APOOL: variants seen among roughly 807,000 people sequenced by gnomAD.
The protein encoded by APOOL is MICOS complex subunit MIC27.
In APOOL, 12 loss-of-function variants were observed where a neutral mutation model predicts 23.1. The observed-to-expected ratio is 0.52, with a 90% CI of 0.33 to 0.84. The LOEUF (loss-of-function observed/expected upper bound fraction) is 0.84, where lower values mean the gene tolerates loss of function less well. Ranked by LOEUF, APOOL falls within the 40% of genes least tolerant of loss-of-function variation. APOOL has a pLI of 0.02. For missense variants in APOOL, 212 were observed against 199.6 expected, an observed-to-expected ratio of 1.06 and a Z score of -0.37; for synonymous variants, 77 against 69.9, an observed-to-expected ratio of 1.10 and a Z score of -0.51.
intron 1 of APOOL, among the ~76,000 whole-genome samples, chrX:85,038,040 A>G (rs1156326389): frequency 9.0e-6 from 1 of 111,527 alleles, no homozygotes; most frequent in Non-Finnish European, 1.9e-5. Flanking sequence ...ACAAAACACA[A>G]CCTACAGAGT....
intron 1 of APOOL, among the ~76,000 whole-genome samples, chrX:85,044,851 T>A (rs370268808): frequency 6.3e-5 from 7 of 111,889 alleles, no homozygotes; most frequent in East Asian, 5.6e-4. Flanking sequence ...TTATATGAAG[T>A]AACATGAGTA....
chrX:85,053,314 C>A (rs1184876328), intron 3 of APOOL, among the ~76,000 whole-genome samples: 1 of 111,649 alleles, frequency 9.0e-6, no homozygotes, highest in African/African-American at 3.2e-5. Flanking sequence ...TCAAGACAGT[C>A]CCTACAGAAA....
At chrX:85,081,877 A>T (rs1244146204) in intron 8 of APOOL, among the ~76,000 whole-genome samples, 1 of 111,747 alleles carries the variant, frequency 8.9e-6, no homozygotes, top group Non-Finnish European at 1.9e-5. Flanking sequence ...TCTTCACTTG[A>T]TCAAATCAAC....
chrX:85,045,902 A>G (rs895580441), intron 1 of APOOL, among the ~76,000 whole-genome samples: 2 of 111,368 alleles, frequency 1.8e-5, no homozygotes, highest in African/African-American at 3.3e-5. Flanking sequence ...ATCACTCAGT[A>G]CTCCAGACCA....
chrX:85,039,392 T>C (rs778393909), intron 1 of APOOL, among the ~76,000 whole-genome samples: 1 of 111,095 alleles, frequency 9.0e-6, no homozygotes, highest in Admixed American at 9.6e-5. Flanking sequence ...TCTGTTTTTG[T>C]TGGGTGGAGT....
intron 6 of APOOL, 42 bp downstream of exon 6, chrX:85,067,260 T>A: frequency 1.1e-6 from 1 of 887,097 alleles, no homozygotes; most frequent in Non-Finnish European, 1.6e-6. Flanking sequence ...AGTATTTGTT[T>A]AAACTCTCAA....
chrX:85,009,148 T>C (rs751767140), intron 1 of APOOL, among the ~76,000 whole-genome samples: 1 of 111,902 alleles, frequency 8.9e-6, no homozygotes, highest in Non-Finnish European at 1.9e-5. Context: ...TAACAGTTTT[T>C]TGGTGGCGTA....
intron 1 of APOOL, among the ~76,000 whole-genome samples, chrX:85,039,161 C>T (rs1041439317): frequency 9.1e-6 from 1 of 110,011 alleles, no homozygotes; most frequent in African/African-American, 3.3e-5. Flanking sequence ...TCATTGTGTA[C>T]CCAAAAGTAA....
chrX:85,040,028 G>A (rs1434392377), intron 1 of APOOL, among the ~76,000 whole-genome samples: 1 of 111,868 alleles, frequency 8.9e-6, no homozygotes, highest in East Asian at 2.8e-4. Context: ...TTTTTGTGGT[G>A]CCACTGACAG....
intron 8 of APOOL, among the ~76,000 whole-genome samples, chrX:85,083,030 T>C (rs893166788): frequency 9.0e-6 from 1 of 111,321 alleles, no homozygotes; most frequent in Non-Finnish European, 1.9e-5. Context: ...GTTAACTGAC[T>C]CTTACTAAAA....
chrX:85,067,639 C>CACACACACACACACACACACAT (rs1556373886), intron 6 of APOOL, among the ~76,000 whole-genome samples: 35 of 108,104 alleles, frequency 3.2e-4, no homozygotes, highest in African/African-American at 1.1e-3. Flanking sequence ...CACACACACA[C>CACACACACACACACACACACAT]ACACACACAC....
rs1922575476 is a variant in APOOL at position 85,046,427 on chromosome X, T to G, written c.16-19T>G. 1 of 1,164,271 alleles carries G rather than the reference T, an allele frequency of 8.6e-7. No individual in the cohort carries two copies. Among genetic ancestry groups the G allele is most frequent in the East Asian group, 3.0e-5 (1 of 33,322 alleles). ...AAAGCTTTTCAACTAAAAAGATGTT[T>G]TTGATATATCTTTCTTAGATGGGAA... is the stretch of plus-strand genomic sequence containing the variant. On this transcript the variant is annotated intron_variant, in intron 1 of 8. Transcript: ENST00000373173.
chrX:85,047,398 A>G (rs1413874740), intron 2 of APOOL, among the ~76,000 whole-genome samples: 1 of 111,419 alleles, frequency 9.0e-6, no homozygotes, highest in East Asian at 2.8e-4. Flanking sequence ...GGATGTATGA[A>G]CCACGGTGTT....
At chrX:85,024,396 A>G (rs1029881325) in intron 1 of APOOL, among the ~76,000 whole-genome samples, 4 of 112,510 alleles carry the variant, frequency 3.6e-5, no homozygotes, top group Non-Finnish European at 7.5e-5. Flanking sequence ...GATCTCCCCA[A>G]TAACGGCTCT....
At chrX:85,046,591 A>C in intron 2 of APOOL, 41 bp downstream of exon 2, 1 of 1,021,803 alleles carries the variant, frequency 9.8e-7, no homozygotes, top group Non-Finnish European at 1.4e-6. Context: ...GTATAATATC[A>C]AGATGACACA....
intron 1 of APOOL, among the ~76,000 whole-genome samples, chrX:85,026,985 C>G (rs1208790212): frequency 8.9e-6 from 1 of 111,925 alleles, no homozygotes; most frequent in African/African-American, 3.3e-5. Flanking sequence ...ACTCCTGATA[C>G]CAATTTTCTG....
At chrX:85,075,746 A>T (rs1309362558) in intron 8 of APOOL, among the ~76,000 whole-genome samples, 1 of 111,628 alleles carries the variant, frequency 9.0e-6, no homozygotes, top group Admixed American at 9.6e-5. Flanking sequence ...TTCCTCACAC[A>T]TCTAGATTCT....
chrX:85,005,235 C>T (rs745572135), intron 1 of APOOL, among the ~76,000 whole-genome samples: 9 of 110,821 alleles, frequency 8.1e-5, no homozygotes, highest in African/African-American at 2.3e-4. Flanking sequence ...CCTCCACCTC[C>T]CGGGTTCAGG....
chrX:85,088,330 T>TTTTTG lies in APOOL; in HGVS notation c.*656_*657insGTTTT, dbSNP rs1924437151. On this transcript the variant is annotated 3_prime_UTR_variant, in exon 9 of 9. Transcript: ENST00000373173. ...TGTTTCCCTCTGTTTTTTTTTTTTTTTTTTTTTTTTTTTTTCCCATTTCCT... is the reference window on the plus strand; with the variant it reads ...TGTTTCCCTCTGTTTTTTTTTTTTTTTTTTGTTTTTTTTTTTTTTTCCCATTTCCT... 1.2e-5 allele frequency: 1 copy of TTTTTG among 80,950 alleles called. No individual in the cohort carries two copies. Among genetic ancestry groups the TTTTTG allele is most frequent in the Non-Finnish European group, 2.3e-5 (1 of 42,786 alleles). 6.7% of individuals were successfully genotyped at this position (80,950 alleles called of 1,213,427 possible). A position where few individuals can be genotyped will look rare whatever the true frequency, so the allele number is the denominator to read the frequency against.
Sources: gnomAD v4.1 joint callset for allele counts (sites outside exome capture counted in the v4.1 genomes callset) on GRCh38, gnomAD v4.1.1 for gene constraint, MANE v1.5 for transcripts, NCBI Gene and HGNC (gene_info 2026-07-23, HGNC 2026-07-21) for gene names.